Variants in ABI1 observed in about 807,000 individuals in gnomAD.
ABI1 encodes the protein Abelson interactor 1.
A neutral mutation model predicts 54.6 loss-of-function variants in ABI1; 14 were observed. That is an observed-to-expected ratio of 0.26 (90% CI 0.17 to 0.40). The LOEUF (loss-of-function observed/expected upper bound fraction) is 0.40, where lower values mean the gene tolerates loss of function less well. Ranked by LOEUF, ABI1 falls within the 10% of genes least tolerant of loss-of-function variation. ABI1 has a pLI of 1.00. For synonymous variants in ABI1, 194 were observed against 209.3 expected, an observed-to-expected ratio of 0.93 and a Z score of 0.63; for missense variants, 443 against 598.3, an observed-to-expected ratio of 0.74 and a Z score of 2.71.
Position 26,787,199 on chromosome 10 carries a change from T to C in ABI1, c.286-9958A>G, listed in dbSNP as rs376505207. Among the ~76,000 whole-genome samples the C allele has an allele frequency of 2.2e-4, 34 of 152,282 alleles. No homozygotes were observed. In the East Asian group the frequency reaches 5.2e-3, roughly 23 times the overall value. ...TGGCCTTTTTCCAGTCTGCTCTCTA[T>C]GGTGTAACCATGGAGATCTTTACAA... On this transcript the variant is annotated intron_variant, in intron 2 of 10. Coordinates refer to ENST00000376140, the MANE Select transcript of ABI1 (RefSeq NM_001012750.3).
chr10:26,833,850 T>C (rs1164406553), intron 1 of ABI1, among the ~76,000 whole-genome samples: 3 of 152,052 alleles, frequency 2.0e-5, no homozygotes, highest in Non-Finnish European at 4.4e-5. Flanking sequence ...AAAATCTGTA[T>C]GTTCAAGGAT....
intron 1 of ABI1, among the ~76,000 whole-genome samples, chr10:26,848,040 A>G (rs936395911): frequency 2.0e-5 from 3 of 151,912 alleles, no homozygotes; most frequent in Non-Finnish European, 2.9e-5. Flanking sequence ...TCTATAAAAA[A>G]TACCCAAAAA....
At chr10:26,823,425 G>C in intron 1 of ABI1, 120 bp from the exon 2 acceptor site, 1 of 821,586 alleles carries the variant, frequency 1.2e-6, no homozygotes, top group Non-Finnish European at 1.7e-6. Context: ...AAAACTCACT[G>C]TACCAATATG....
chr10:26,760,815 G>A (rs1158280809), intron 7 of ABI1, among the ~76,000 whole-genome samples: 17 of 136,616 alleles, frequency 1.2e-4, no homozygotes, highest in Admixed American at 4.0e-4. Context: ...ACTTGAACCC[G>A]GGAGATGGAG....
At chr10:26,764,824 T>A (rs1839709270) in intron 7 of ABI1, among the ~76,000 whole-genome samples, 1 of 152,162 alleles carries the variant, frequency 6.6e-6, no homozygotes, top group Non-Finnish European at 1.5e-5. Context: ...TTAAAGAATA[T>A]GAGAGGATGT....
At chr10:26,814,775 C>A (rs998586468) in intron 2 of ABI1, among the ~76,000 whole-genome samples, 4 of 152,016 alleles carry the variant, frequency 2.6e-5, no homozygotes, top group African/African-American at 7.2e-5. Flanking sequence ...CTTTATAAAT[C>A]TAAAACATGT....
intron 2 of ABI1, among the ~76,000 whole-genome samples, chr10:26,785,677 A>G (rs1292898581): frequency 6.6e-6 from 1 of 151,768 alleles, no homozygotes. Flanking sequence ...GTGAACCAAG[A>G]TCAAGCCACT....
chr10:26,795,773 T>C (rs1367242604), intron 2 of ABI1, among the ~76,000 whole-genome samples: 2 of 152,070 alleles, frequency 1.3e-5, no homozygotes, highest in East Asian at 3.9e-4. Flanking sequence ...AGATATCCCA[T>C]GTTCATAGAT....
chr10:26,808,949 A>G (rs539267576), intron 2 of ABI1, among the ~76,000 whole-genome samples: 3 of 151,796 alleles, frequency 2.0e-5, no homozygotes, highest in African/African-American at 7.2e-5. Flanking sequence ...TATTGCTGCC[A>G]ATTTTATTGG....
chr10:26,753,451 G>A (rs1313530588), intron 9 of ABI1, among the ~76,000 whole-genome samples: 4 of 152,120 alleles, frequency 2.6e-5, no homozygotes, highest in Non-Finnish European at 5.9e-5. Flanking sequence ...TTAGTTTAAT[G>A]TTTTCACGAA....
chr10:26,816,516 G>A (rs2047575068), intron 2 of ABI1, among the ~76,000 whole-genome samples: 1 of 152,162 alleles, frequency 6.6e-6, no homozygotes, highest in Non-Finnish European at 1.5e-5. Context: ...GTTGAGAGGA[G>A]CTGATCCACC....
rs530151774 is a variant in ABI1 at position 26,770,430 on chromosome 10, T to C, written c.478-85A>G. On this transcript the variant is annotated intron_variant, in intron 4 of 10. Coordinates refer to ENST00000376140, the MANE Select transcript of ABI1 (RefSeq NM_001012750.3). ...CACCATGTATTATTTTTTTTAAATA[T>C]CAGAATGTGAATTAAGGATTCCCAG... 20 of 1,287,346 alleles carry C rather than the reference T, an allele frequency of 1.6e-5. No individual in the cohort carries two copies. In the East Asian group the frequency reaches 1.6e-4, roughly 10 times the overall value. The allele number at this position is 1,287,346 out of a possible 1,614,324, so 79.7% of individuals were successfully genotyped here.
intron 2 of ABI1, among the ~76,000 whole-genome samples, chr10:26,805,837 A>T (rs1187298812): frequency 6.6e-6 from 1 of 152,186 alleles, no homozygotes; most frequent in Admixed American, 6.5e-5. Context: ...GAAGCAGAGA[A>T]GAAGCCAAAG....
intron 2 of ABI1, among the ~76,000 whole-genome samples, chr10:26,800,004 T>TA (rs56949695): frequency 5.0e-3 from 627 of 124,732 alleles, no homozygotes; most frequent in Middle Eastern, 0.012. Flanking sequence ...CACAAAAACG[T>TA]AAAAAAAAAA....
At chr10:26,813,937 A>C (rs1252083273) in intron 2 of ABI1, among the ~76,000 whole-genome samples, 1 of 152,248 alleles carries the variant, frequency 6.6e-6, no homozygotes, top group African/African-American at 2.4e-5. Flanking sequence ...GCCCACGTAG[A>C]TCCTCAATAA....
At position 26,860,814 on chromosome 10, in the gene ABI1, C is replaced by T. The variant is rs1257613298; in HGVS notation, c.50G>A (p.Arg17Lys). 1 of 1,614,162 alleles carries T rather than the reference C, an allele frequency of 6.2e-7. No homozygotes were observed. The highest frequency in any genetic ancestry group is 8.5e-7 in the Non-Finnish European group (1 of 1,180,028). ...LLEEEIPSGK[R>K]ALIESYQNLT... is the part of the protein sequence containing the mutation. ...GTTCTGGTAACTCTCGATCAGCGCC[C>T]TCTTGCCAGACGGGATCTCCTCCTC... Residue 17 changes from arginine to lysine, a missense_variant, in exon 1 of 11, where the codon AGG becomes AAG. Physicochemically the swap from Arg to Lys is conservative, Grantham distance 26 (BLOSUM62 2). Coordinates refer to ENST00000376140, the MANE Select transcript of ABI1 (RefSeq NM_001012750.3). The surrounding 1 kb of genome is among the most constrained non-coding windows in gnomAD (Gnocchi z 4.1).
intron 4 of ABI1, chr10:26,770,678 A>AT: frequency 1.8e-6 from 1 of 567,384 alleles, no homozygotes; most frequent in Non-Finnish European, 3.2e-6. Flanking sequence ...GTGCATGAAC[A>AT]CAAACTATAG....
At chr10:26,786,897 T>G (rs927200855) in intron 2 of ABI1, among the ~76,000 whole-genome samples, 3 of 152,198 alleles carry the variant, frequency 2.0e-5, no homozygotes, top group Non-Finnish European at 4.4e-5. Flanking sequence ...AAAACTGACA[T>G]TCTCTCAGAT....
At chr10:26,778,521 C>T (rs546696043) in intron 2 of ABI1, among the ~76,000 whole-genome samples, 1 of 151,602 alleles carries the variant, frequency 6.6e-6, no homozygotes, top group Admixed American at 6.6e-5. Flanking sequence ...AAAGGTACTC[C>T]CATGGAAAAG....
Sources: allele counts gnomAD v4.1 joint callset (sites outside exome capture counted in the v4.1 genomes callset), GRCh38; gene constraint gnomAD v4.1.1; non-coding constraint Gnocchi (gnomAD v3.1); transcripts MANE v1.5; gene names NCBI Gene and HGNC (gene_info 2026-07-23, HGNC 2026-07-21).